Variants in ZNF804B observed in about 807,000 individuals in gnomAD.
ZNF804B encodes the protein zinc finger 804B.
A neutral mutation model predicts 101.4 loss-of-function variants in ZNF804B; 80 were observed. That is an observed-to-expected ratio of 0.79 (90% CI 0.66 to 0.95). ZNF804B has a LOEUF of 0.95. Among genes scored for constraint, ZNF804B ranks in the 40% least tolerant of loss-of-function variants. The pLI, the probability that ZNF804B is intolerant of heterozygous loss-of-function variation, is 0.00. For missense variants in ZNF804B, 1,673 were observed against 1,561.9 expected (o/e 1.07, Z -1.20); for synonymous variants, 622 against 558.8 (o/e 1.11, Z -1.59).
At chr7:89,301,350 A>G (rs1790471668) in intron 2 of ZNF804B, among the ~76,000 whole-genome samples, 1 of 151,722 alleles carries the variant, frequency 6.6e-6, no homozygotes, top group African/African-American at 2.4e-5. Flanking sequence ...AGGACAATGC[A>G]ATAGCTTTCT....
intron 1 of ZNF804B, among the ~76,000 whole-genome samples, chr7:88,760,491 T>G (rs912234041): frequency 6.6e-6 from 1 of 152,230 alleles, no homozygotes; most frequent in Non-Finnish European, 1.5e-5. Flanking sequence ...TTAATAATGC[T>G]ACTGTTACTT....
chr7:89,038,791 G>A (rs1788967280), intron 1 of ZNF804B, among the ~76,000 whole-genome samples: 1 of 152,022 alleles, frequency 6.6e-6, no homozygotes, highest in South Asian at 2.1e-4. Context: ...AAAGTTTTAA[G>A]TCTTCCTGTT....
At chr7:89,034,175 C>G (rs1788885566) in intron 1 of ZNF804B, among the ~76,000 whole-genome samples, 1 of 151,932 alleles carries the variant, frequency 6.6e-6, no homozygotes, top group Non-Finnish European at 1.5e-5. Flanking sequence ...TATATTAGGT[C>G]CTGGAGGGTG....
intron 1 of ZNF804B, among the ~76,000 whole-genome samples, chr7:89,193,911 T>G (rs1161860773): frequency 2.6e-5 from 4 of 152,172 alleles, no homozygotes; most frequent in African/African-American, 9.7e-5. Context: ...ATGGTTGAAC[T>G]AGTTTACAGT....
chr7:88,965,052 T>C (rs1157142299), intron 1 of ZNF804B, among the ~76,000 whole-genome samples: 2 of 151,440 alleles, frequency 1.3e-5, no homozygotes, highest in Non-Finnish European at 3.0e-5. Context: ...ATTGTTTTAA[T>C]AACCCAGGAA....
chr7:88,989,936 T>A (rs371007025), intron 1 of ZNF804B, among the ~76,000 whole-genome samples: 11 of 152,076 alleles, frequency 7.2e-5, no homozygotes, highest in African/African-American at 2.2e-4. Context: ...CCTACCTACC[T>A]ATTATTTATC....
At chr7:89,197,904 C>T (rs1002470239) in intron 1 of ZNF804B, among the ~76,000 whole-genome samples, 3 of 151,682 alleles carry the variant, frequency 2.0e-5, no homozygotes, top group African/African-American at 7.3e-5. Context: ...AATTGAGTAG[C>T]AAATTGGATG....
chr7:89,305,375 C>T (rs772196501), intron 2 of ZNF804B, among the ~76,000 whole-genome samples: 3 of 151,904 alleles, frequency 2.0e-5, no homozygotes, highest in Non-Finnish European at 2.9e-5. Flanking sequence ...GGGTCACATG[C>T]ACTTCTGAGA....
rs533697553 is a variant in ZNF804B at position 88,846,056 on chromosome 7, G to A, written c.108+85972G>A. 3.3e-5 allele frequency among the ~76,000 whole-genome samples: 5 copies of A among 152,276 alleles called. No homozygotes were observed. In the South Asian group the frequency reaches 1.0e-3, roughly 32 times the overall value. On this transcript the variant is annotated intron_variant, in intron 1 of 3. Coordinates refer to ENST00000333190, the MANE Select transcript of ZNF804B (RefSeq NM_181646.5). ...CAGCTTTCAGTGCAGAAAGGCACTG[G>A]TGGTCAAAGATATGCTGACACTGGC... is the stretch of plus-strand genomic sequence containing the variant.
intron 1 of ZNF804B, among the ~76,000 whole-genome samples, chr7:88,824,980 G>C (rs900172289): frequency 6.6e-6 from 1 of 152,178 alleles, no homozygotes; most frequent in Non-Finnish European, 1.5e-5. Context: ...AAATCCAAAT[G>C]ATCCTGGCTT....
intron 2 of ZNF804B, among the ~76,000 whole-genome samples, chr7:89,240,298 G>A (rs13224977): frequency 0.17 from 25,758 of 151,898 alleles, 2,813 homozygotes; most frequent in African/African-American, 0.3. Context: ...AACTCTTGTG[G>A]GTTAGGTCTG....
chr7:89,087,820 G>A (rs1354059752), intron 1 of ZNF804B, among the ~76,000 whole-genome samples: 2 of 151,676 alleles, frequency 1.3e-5, no homozygotes, highest in Non-Finnish European at 2.9e-5. Flanking sequence ...AGAAATATAT[G>A]TACTATGTAC....
chr7:88,965,656 A>T (rs1308457973), intron 1 of ZNF804B, among the ~76,000 whole-genome samples: 1 of 151,512 alleles, frequency 6.6e-6, no homozygotes, highest in Non-Finnish European at 1.5e-5. Flanking sequence ...ATGTAAATTG[A>T]ATTCTAAGAG....
chr7:89,053,767 C>A (rs563285604), intron 1 of ZNF804B, among the ~76,000 whole-genome samples: 19 of 151,776 alleles, frequency 1.3e-4, no homozygotes, highest in African/African-American at 4.6e-4. Context: ...ATTGTATACT[C>A]TTATGCACTC....
chr7:88,979,084 C>T (rs1054763388), intron 1 of ZNF804B, among the ~76,000 whole-genome samples: 2 of 151,856 alleles, frequency 1.3e-5, no homozygotes, highest in African/African-American at 4.8e-5. Context: ...ACTTTAATTT[C>T]ATCCTCTGCT....
chr7:88,850,964 A>G (rs961725882), intron 1 of ZNF804B, among the ~76,000 whole-genome samples: 1 of 152,156 alleles, frequency 6.6e-6, no homozygotes, highest in Admixed American at 6.6e-5. Flanking sequence ...AAAGATTCAA[A>G]TCAGGCTTCC....
chr7:88,892,173 T>G (rs1349894171), intron 1 of ZNF804B, among the ~76,000 whole-genome samples: 1 of 146,436 alleles, frequency 6.8e-6, no homozygotes, highest in Non-Finnish European at 1.5e-5. Flanking sequence ...TATTGTTGTT[T>G]AATACAGTAA....
At chr7:89,239,224 G>C (rs906770855) in intron 2 of ZNF804B, among the ~76,000 whole-genome samples, 4 of 152,118 alleles carry the variant, frequency 2.6e-5, no homozygotes, top group Non-Finnish European at 4.4e-5. Context: ...CAAATCTGAG[G>C]ATGCCCAAAC....
Position 89,153,557 on chromosome 7 carries a change from A to G in ZNF804B, c.109-64598A>G, listed in dbSNP as rs560725661. 1.8e-3 allele frequency among the ~76,000 whole-genome samples: 258 copies of G among 146,504 alleles called. 1 individual carries two copies. The highest frequency in any genetic ancestry group is 2.9e-3 in the Non-Finnish European group (190 of 66,298). On this transcript the variant is annotated intron_variant, in intron 1 of 3. Coordinates refer to ENST00000333190, the MANE Select transcript of ZNF804B (RefSeq NM_181646.5). ...TTCCGAAGCCTGGTTATTAGTCTCT[A>G]GAGATATAATAAGGTTTTTCACTAC...
Sources: allele counts gnomAD v4.1 joint callset (sites outside exome capture counted in the v4.1 genomes callset), GRCh38; gene constraint gnomAD v4.1.1; transcripts MANE v1.5; gene names NCBI Gene and HGNC (gene_info 2026-07-23, HGNC 2026-07-21).